AKR1C1: variants seen among roughly 807,000 people sequenced by gnomAD.
AKR1C1 encodes aldo-keto reductase family 1 member C1, also known as 20 alpha-hydroxysteroid dehydrogenase.
Under a neutral mutation model 40.6 loss-of-function variants are expected in AKR1C1, and 32 were observed. The observed-to-expected ratio is 0.79, with a 90% confidence interval of 0.60 to 1.06. AKR1C1 has a LOEUF of 1.06. AKR1C1 is among the 50% of genes least tolerant of loss of function. AKR1C1 has a pLI of 0.00. For synonymous variants in AKR1C1, 105 were observed against 134.2 expected (o/e 0.78, Z 1.50); for missense variants, 320 against 363.5 (o/e 0.88, Z 0.97).
At chr10:4,973,075 G>A (rs569256197) in intron 7 of AKR1C1, among the ~76,000 whole-genome samples, 46 of 151,436 alleles carry the variant, frequency 3.0e-4, no homozygotes, top group African/African-American at 1.0e-3. Context: ...AACTCATGGC[G>A]GATTTTTCTT....
Position 4,978,744 on chromosome 10 carries a change from G to A in AKR1C1, c.*1002G>A, listed in dbSNP as rs1836567730. ...ATGCATGGCACTCAAGATTAAAATG[G>A]GAAATAATACATCTAATAAATCAAA... On this transcript the variant is annotated 3_prime_UTR_variant, in exon 9 of 9. Transcript: ENST00000380872. 1 of 152,028 alleles carries A rather than the reference G, an allele frequency of 6.6e-6. No individual in the cohort carries two copies. Among genetic ancestry groups the A allele is most frequent in the Admixed American group, 6.6e-5 (1 of 15,250 alleles). The allele number at this position is 152,028 out of a possible 1,614,324, so 9.4% of individuals were successfully genotyped here.
At chr10:4,964,419 C>T (rs566515278) in intron 1 of AKR1C1, among the ~76,000 whole-genome samples, 91 of 152,260 alleles carry the variant, frequency 6.0e-4, no homozygotes, top group African/African-American at 1.9e-3. Flanking sequence ...GATGAGGATA[C>T]CACTAAAGCT....
Position 4,968,823 on chromosome 10 carries a change from C to T in AKR1C1, c.449C>T (p.Ala150Val). ...CACCTCACAATTCCTTTTTCCCAGGCCGTGGAGAAGTGTAAAGATGCAGGA... is the reference window on the plus strand; with the variant it reads ...CACCTCACAATTCCTTTTTCCCAGGTCGTGGAGAAGTGTAAAGATGCAGGA... ...DTVDLCATWE[A>V]VEKCKDAGLA... The change falls in exon 5 of 9, where the codon GCC becomes GTC. Residue 150 changes from alanine (A) to valine (V), a missense_variant and splice_region_variant. Ala to Val is a moderately conservative substitution (Grantham distance 64). This residue lies in a region of AKR1C1 where 214 missense variants were observed against 214.8 expected (regional missense o/e 1.00). Coordinates refer to ENST00000380872, the MANE Select transcript of AKR1C1 (RefSeq NM_001353.6). 1 of 1,614,088 alleles carries T rather than the reference C, an allele frequency of 6.2e-7. No homozygotes were observed.
intron 2 of AKR1C1, 142 bp from the exon 3 acceptor site, chr10:4,966,785 G>C (rs1048969159): frequency 7.8e-6 from 5 of 638,758 alleles, no homozygotes; most frequent in Non-Finnish European, 1.1e-5. Context: ...CAGAACAAAA[G>C]GCATCACAAG....
At chr10:4,969,835 T>C (rs1198438538) in intron 5 of AKR1C1, 1 of 1,265,420 alleles carries the variant, frequency 7.9e-7, no homozygotes, top group African/African-American at 1.5e-5. Context: ...TTTTAAAACT[T>C]AGAGTCAATC....
intron 8 of AKR1C1, among the ~76,000 whole-genome samples, 188 bp downstream of exon 8, chr10:4,976,121 G>A (rs1268496230): frequency 1.4e-5 from 2 of 146,838 alleles, no homozygotes; most frequent in Non-Finnish European, 3.0e-5. Flanking sequence ...AGTGGCCTGG[G>A]GTCAGCATGG....
intron 7 of AKR1C1, among the ~76,000 whole-genome samples, chr10:4,974,448 T>C (rs1337915440): frequency 6.6e-6 from 1 of 152,048 alleles, no homozygotes; most frequent in Admixed American, 6.6e-5. Flanking sequence ...TGTAGACTAA[T>C]TTTTCATGCC....
rs369662093 is a variant in AKR1C1 at position 4,968,331 on chromosome 10, A to G, written c.392A>G (p.Lys131Arg). 6.4e-6 allele frequency: 10 copies of G among 1,565,718 alleles called. No individual in the cohort carries two copies. In the African/African-American group the frequency reaches 1.1e-4, roughly 17 times the overall value. ...SVKPGEEVIP[K>R]DENGKILFDT... is the part of the protein sequence containing the mutation. The stretch of plus-strand genomic sequence containing the variant: ...CAGCCAGGTGAGGAAGTGATCCCAA[A>G]AGATGAAAATGGAAAAATACTATTT... Residue 131 changes from lysine (K) to arginine (R), a missense_variant, in exon 4 of 9, where the codon AAA becomes AGA. This residue lies in a region of AKR1C1 where 214 missense variants were observed against 214.8 expected (regional missense o/e 1.00). Transcript: ENST00000380872.
At position 4,977,972 on chromosome 10, in the gene AKR1C1, G is replaced by C. The variant is rs1158603612; in HGVS notation, c.*230G>C. ...TCCTAAAGATTCTTCACCTACTTTG[G>C]TCTCCATAACTTCTATGTTTTCTTT... On this transcript the variant is annotated 3_prime_UTR_variant, in exon 9 of 9. Coordinates refer to ENST00000380872, the MANE Select transcript of AKR1C1 (RefSeq NM_001353.6). The C allele has an allele frequency of 8.6e-6, 5 of 579,860 alleles. No homozygotes were observed. In the Admixed American group the frequency reaches 1.9e-4, roughly 22 times the overall value. 35.9% of individuals were successfully genotyped at this position (579,860 alleles called of 1,614,324 possible). A position where few individuals can be genotyped will look rare whatever the true frequency, so the allele number is the denominator to read the frequency against.
At chr10:4,967,738 G>A (rs1398576795) in intron 3 of AKR1C1, 2 of 655,162 alleles carry the variant, frequency 3.1e-6, no homozygotes, top group African/African-American at 2.0e-5. Context: ...ATTACAAAAG[G>A]CTTTTTAAGT....
intron 8 of AKR1C1, among the ~76,000 whole-genome samples, chr10:4,976,781 A>C (rs1488835763): frequency 2.0e-5 from 3 of 152,208 alleles, no homozygotes; most frequent in Non-Finnish European, 4.4e-5. Context: ...AGATGATGAG[A>C]TAATGTGTGA....
intron 8 of AKR1C1, 132 bp from the exon 9 acceptor site, chr10:4,977,568 C>T (rs1433904324): frequency 1.2e-6 from 1 of 864,786 alleles, no homozygotes; most frequent in Admixed American, 3.1e-5. Flanking sequence ...CAAAGAAACA[C>T]AGATTCTAGA....
At chr10:4,972,099 A>G (rs1836438547) in intron 5 of AKR1C1, 102 bp from the exon 6 acceptor site, 1 of 1,504,852 alleles carries the variant, frequency 6.6e-7, no homozygotes, top group Admixed American at 2.4e-5. Flanking sequence ...TTCTCAGTTC[A>G]AATTTAATGC....
At chr10:4,968,163 A>G in intron 3 of AKR1C1, 146 bp from the exon 4 acceptor site, 1 of 1,137,310 alleles carries the variant, frequency 8.8e-7, no homozygotes, top group Non-Finnish European at 1.3e-6. Flanking sequence ...ATACCTTCAT[A>G]TGTAGTACAC....
intron 3 of AKR1C1, chr10:4,968,000 A>G: frequency 4.0e-6 from 1 of 252,106 alleles, no homozygotes; most frequent in Non-Finnish European, 7.8e-6. Context: ...TTGCAGTTGA[A>G]GAGAGGTATT....
intron 7 of AKR1C1, among the ~76,000 whole-genome samples, chr10:4,975,109 A>G (rs1836506744): frequency 6.6e-6 from 1 of 151,644 alleles, no homozygotes; most frequent in Non-Finnish European, 1.5e-5. Context: ...TGATGATTTT[A>G]ATAGTTTTTG....
At chr10:4,970,520 G>T (rs1368819034) in intron 5 of AKR1C1, among the ~76,000 whole-genome samples, 1 of 152,076 alleles carries the variant, frequency 6.6e-6, no homozygotes, top group Non-Finnish European at 1.5e-5. Context: ...TACAATCACA[G>T]AATGCCCCAC....
At chr10:4,969,089 G>A (rs1836382602) in intron 5 of AKR1C1, 145 bp downstream of exon 5, 1 of 1,498,288 alleles carries the variant, frequency 6.7e-7, no homozygotes, top group Non-Finnish European at 8.9e-7. Flanking sequence ...GGGCATAGAG[G>A]GATCTTACTT....
chr10:4,970,518 C>T (rs1459293884), intron 5 of AKR1C1, among the ~76,000 whole-genome samples: 1 of 152,076 alleles, frequency 6.6e-6, no homozygotes, highest in South Asian at 2.1e-4. Flanking sequence ...CATACAATCA[C>T]AGAATGCCCC....
Sources: allele counts gnomAD v4.1 joint callset (sites outside exome capture counted in the v4.1 genomes callset), GRCh38; gene constraint gnomAD v4.1.1; regional missense constraint gnomAD v4.1.1; transcripts MANE v1.5; gene names NCBI Gene and HGNC (gene_info 2026-07-23, HGNC 2026-07-21).